SPHKAP: variants seen among roughly 807,000 people sequenced by gnomAD.
SPHKAP encodes SPHK1 interactor, AKAP domain containing, also known as A-kinase anchor protein SPHKAP.
Under a neutral mutation model 137.5 loss-of-function variants are expected in SPHKAP, and 67 were observed. That is an observed-to-expected ratio of 0.49 (90% CI 0.40 to 0.60). SPHKAP has a LOEUF of 0.60. Ranked by LOEUF, SPHKAP falls within the 20% of genes least tolerant of loss-of-function variation. The probability of loss-of-function intolerance (pLI) is 0.00; values close to 1 mark genes in which losing one functional copy is unlikely to be tolerated. For synonymous variants in SPHKAP, 813 were observed against 785.3 expected, an observed-to-expected ratio of 1.04 and a Z score of -0.59; for missense variants, 2,097 against 2,069.3, an observed-to-expected ratio of 1.01 and a Z score of -0.26.
At chr2:228,034,726 A>G (rs976065737) in intron 3 of SPHKAP, among the ~76,000 whole-genome samples, 12 of 152,382 alleles carry the variant, frequency 7.9e-5, no homozygotes, top group African/African-American at 2.6e-4. Flanking sequence ...CTGGTTCAAC[A>G]TATGCAAATC....
In SPHKAP at chr2:228,018,382, T is replaced by G; in HGVS notation, c.2472A>C (p.Ser824=). ...LSRSHRVPDS[S]TATTSSKEIY... ...TTTCCTTGGAGGATGTTGTAGCAGT[T>G]GAAGAATCGGGCACTCTGTGACTAC... Residue 824 remains serine (S), a synonymous_variant, in exon 7 of 12, where the codon TCA becomes TCC. Coordinates refer to ENST00000392056, the MANE Select transcript of SPHKAP (RefSeq NM_001142644.2). 2 of 1,614,176 alleles carry G rather than the reference T, an allele frequency of 1.2e-6. No homozygotes were observed. The highest frequency in any genetic ancestry group is 1.7e-6 in the Non-Finnish European group (2 of 1,180,010).
intron 3 of SPHKAP, 26 bp from the exon 4 acceptor site, chr2:228,027,569 C>T (rs548537271): frequency 2.5e-5 from 40 of 1,611,222 alleles, no homozygotes; most frequent in African/African-American, 1.1e-4. Flanking sequence ...AAAAATAGTA[C>T]GTTAAAGTCA....
At chr2:228,179,767 C>T (rs1434939570) in intron 1 of SPHKAP, among the ~76,000 whole-genome samples, 1 of 152,154 alleles carries the variant, frequency 6.6e-6, no homozygotes, top group Admixed American at 6.5e-5. Flanking sequence ...TTTTATAGTA[C>T]TGAGACAGAA....
At chr2:228,035,326 G>C (rs972241834) in intron 3 of SPHKAP, among the ~76,000 whole-genome samples, 18 of 151,792 alleles carry the variant, frequency 1.2e-4, no homozygotes, top group Middle Eastern at 3.2e-3. Flanking sequence ...ACTTACAAGG[G>C]ATGTGAAGGA....
intron 9 of SPHKAP, chr2:227,991,751 T>G (rs979007646): frequency 2.3e-6 from 2 of 862,682 alleles, no homozygotes; most frequent in Non-Finnish European, 2.8e-6. Context: ...TGTCACAATT[T>G]TTTTTCTATA....
Position 228,056,113 on chromosome 2 carries a change from C to T in SPHKAP, c.247-28570G>A, listed in dbSNP as rs147489467. ...CCCTCAAACTAATCTTTCTGAATCACTCTCCTACTATTGTCTCTCACAGCA... is the reference window on the plus strand; with the variant it reads ...CCCTCAAACTAATCTTTCTGAATCATTCTCCTACTATTGTCTCTCACAGCA... On this transcript the variant is annotated intron_variant, in intron 3 of 11. Transcript: ENST00000392056. Among the ~76,000 whole-genome samples the T allele has an allele frequency of 6.7e-3, 1,028 of 152,350 alleles. 8 individuals carry two copies. The highest frequency in any genetic ancestry group is 0.023 in the African/African-American group (958 of 41,590).
At chr2:228,098,763 A>T (rs972322040) in intron 3 of SPHKAP, among the ~76,000 whole-genome samples, 4 of 149,882 alleles carry the variant, frequency 2.7e-5, no homozygotes, top group African/African-American at 5.0e-5. Flanking sequence ...AAAGTATAAA[A>T]AAAAAAAAAA....
chr2:227,995,371 C>A, intron 8 of SPHKAP, 138 bp downstream of exon 8: 2 of 988,422 alleles, frequency 2.0e-6, no homozygotes, highest in South Asian at 3.0e-5. Flanking sequence ...GCAGGCCCCT[C>A]GACATAGTGG....
intron 7 of SPHKAP, among the ~76,000 whole-genome samples, chr2:227,997,809 A>G (rs1693691295): frequency 6.6e-6 from 1 of 152,184 alleles, no homozygotes; most frequent in South Asian, 2.1e-4. Flanking sequence ...ATTCGTTATT[A>G]AGAGTGTTTG....
At chr2:228,143,984 G>T (rs570443579) in intron 1 of SPHKAP, among the ~76,000 whole-genome samples, 3 of 152,192 alleles carry the variant, frequency 2.0e-5, no homozygotes, top group Admixed American at 1.3e-4. Flanking sequence ...TGGCCTCTCT[G>T]CTGTTCCTAA....
At chr2:228,114,245 A>G (rs1427185043) in intron 2 of SPHKAP, among the ~76,000 whole-genome samples, 3 of 152,166 alleles carry the variant, frequency 2.0e-5, no homozygotes, top group Non-Finnish European at 4.4e-5. Flanking sequence ...TTCAGCAAAT[A>G]AGGTTAGGAA....
rs1023952129 is a variant in SPHKAP, at chr2:228,167,092, G to A, written c.32+14475C>T. Among the ~76,000 whole-genome samples, 10 of 152,238 alleles carry A rather than the reference G, an allele frequency of 6.6e-5. No homozygotes were observed. The East Asian group carries it at 1.4e-3, about 21-fold the overall frequency. On this transcript the variant is annotated intron_variant, in intron 1 of 11. Coordinates refer to ENST00000392056, the MANE Select transcript of SPHKAP (RefSeq NM_001142644.2). ...CCATGATCCAATCACTTCCCACCAG[G>A]CCTCACCTCCAACACTGAGGGTTAA...
chr2:228,003,182 A>C (rs972296256), intron 7 of SPHKAP, among the ~76,000 whole-genome samples: 1 of 152,174 alleles, frequency 6.6e-6, no homozygotes, highest in African/African-American at 2.4e-5. Context: ...CACGACATTG[A>C]TTCTTCCTAC....
Position 228,019,183 on chromosome 2 carries a change from A to G in SPHKAP, c.1671T>C (p.Ala557=), listed in dbSNP as rs201084695. 5.3e-5 allele frequency: 85 copies of G among 1,613,802 alleles called. No individual in the cohort carries two copies. The African/African-American group carries it at 8.8e-4, about 17-fold the overall frequency. The part of the protein sequence containing the change: ...PSINEYSFPS[A]LCGMTQVASA... ...TGGCCACCTGAGTCATGCCACACAA[A>G]GCAGATGGAAAGGAGTACTCATTGA... The change falls in exon 7 of 12, where the codon GCT becomes GCC. Residue 557 remains alanine (A), a synonymous_variant. Coordinates refer to ENST00000392056, the MANE Select transcript of SPHKAP (RefSeq NM_001142644.2).
chr2:228,156,010 T>C (rs1389923856), intron 1 of SPHKAP, among the ~76,000 whole-genome samples: 1 of 152,194 alleles, frequency 6.6e-6, no homozygotes, highest in Non-Finnish European at 1.5e-5. Flanking sequence ...GTGTCCTATA[T>C]AGAAGAGCAT....
intron 3 of SPHKAP, among the ~76,000 whole-genome samples, chr2:228,073,894 G>A (rs1697087777): frequency 1.3e-5 from 2 of 152,066 alleles, no homozygotes; most frequent in Admixed American, 1.3e-4. Context: ...CAGTAATTTT[G>A]GATCTAATTG....
At chr2:227,992,186 TGTG>T (rs1482292400) in intron 9 of SPHKAP, among the ~76,000 whole-genome samples, 3 of 152,334 alleles carry the variant, frequency 2.0e-5, no homozygotes, top group Admixed American at 1.3e-4. Context: ...CCCTCAAAAA[TGTG>T]TTGTTTGACG....
At chr2:228,078,934 A>G (rs899393233) in intron 3 of SPHKAP, among the ~76,000 whole-genome samples, 3 of 152,132 alleles carry the variant, frequency 2.0e-5, no homozygotes, top group African/African-American at 7.2e-5. Context: ...CACCCTCCAG[A>G]ACCTGGCAGG....
At chr2:228,055,510 G>A (rs1367077243) in intron 3 of SPHKAP, among the ~76,000 whole-genome samples, 2 of 152,094 alleles carry the variant, frequency 1.3e-5, no homozygotes, top group African/African-American at 4.8e-5. Flanking sequence ...TGTCTGGTGG[G>A]GGAGACTCCA....
Sources: gnomAD v4.1 joint callset for allele counts (sites outside exome capture counted in the v4.1 genomes callset) on GRCh38, gnomAD v4.1.1 for gene constraint, MANE v1.5 for transcripts, NCBI Gene and HGNC (gene_info 2026-07-23, HGNC 2026-07-21) for gene names.